WWC2: variants seen among roughly 807,000 people sequenced by gnomAD.
WWC2 encodes the protein WW and C2 domain containing 2.
WWC2 carries 101 observed loss-of-function variants against 138.5 expected under a neutral mutation model. The ratio of observed to expected loss-of-function variants is 0.73; its 90% CI spans 0.62 to 0.86. WWC2 has a LOEUF of 0.86. Ranked by LOEUF, WWC2 falls within the 40% of genes least tolerant of loss-of-function variation. The probability of loss-of-function intolerance (pLI) is 0.00; values close to 1 mark genes in which losing one functional copy is unlikely to be tolerated. For synonymous variants in WWC2, 558 were observed against 538.4 expected, an observed-to-expected ratio of 1.04 and a Z score of -0.50; for missense variants, 1,420 against 1,419.4, an observed-to-expected ratio of 1.00 and a Z score of -0.01.
chr4:183,190,740 C>G (rs920839091), intron 1 of WWC2, among the ~76,000 whole-genome samples: 3 of 152,108 alleles, frequency 2.0e-5, no homozygotes, highest in Non-Finnish European at 2.9e-5. Flanking sequence ...TAATTGTAGT[C>G]TTAGAACAGT....
chr4:183,300,515 A>AC (rs11455567), intron 21 of WWC2, among the ~76,000 whole-genome samples: 40,050 of 151,928 alleles, frequency 0.26, 5,512 homozygotes, highest in South Asian at 0.3. Context: ...ACTGCATTCA[A>AC]AAAATCTTAA....
Position 183,294,926 on chromosome 4 carries a change from C to T in WWC2, c.3384+5291C>T, listed in dbSNP as rs548891616. Among the ~76,000 whole-genome samples, 3 of 152,218 alleles carry T rather than the reference C, an allele frequency of 2.0e-5. No homozygotes were observed. The South Asian group carries it at 6.2e-4, about 32-fold the overall frequency. The stretch of plus-strand genomic sequence containing the variant: ...GTAGATGTAAAGTAGGAGTCTAGAA[C>T]CCAACAACCCAAGGAAATCATCAAG... On this transcript the variant is annotated intron_variant, in intron 21 of 22. Coordinates refer to ENST00000403733, the MANE Select transcript of WWC2 (RefSeq NM_024949.6).
Position 183,167,666 on chromosome 4 carries a change from TAAACAAA to T in WWC2, c.132-25927_132-25921del, listed in dbSNP as rs376673358. 1.4e-3 allele frequency among the ~76,000 whole-genome samples: 207 copies of T among 152,116 alleles called. 1 individual carries two copies. Among genetic ancestry groups the T allele is most frequent in the African/African-American group, 4.8e-3 (201 of 41,490 alleles). ...ACAGTCTAGGTAAAGATAAATGGCA[TAAACAAA>T]AAACATGGGTGATGGAACACTTTGG... On this transcript the variant is annotated intron_variant, in intron 1 of 22. Transcript: ENST00000403733.
intron 1 of WWC2, among the ~76,000 whole-genome samples, chr4:183,112,015 CCTT>C (rs1215116018): frequency 3.3e-5 from 5 of 152,062 alleles, no homozygotes; most frequent in Admixed American, 3.3e-4. Context: ...TTACTTTTTT[CCTT>C]CTTTGTCTCC....
Position 183,319,369 on chromosome 4 carries a change from A to G in WWC2, c.*3640A>G. 1.6e-6 allele frequency: 1 copy of G among 643,332 alleles called. No individual in the cohort carries two copies. Among genetic ancestry groups the G allele is most frequent in the African/African-American group, 1.8e-5 (1 of 55,664 alleles). 39.9% of individuals were successfully genotyped at this position (643,332 alleles called of 1,614,324 possible). ...TGTCATTACTATTCAGTCTTGATTG[A>G]TTTTGGTCTCAGACTAGAAGATAAA... is the stretch of plus-strand genomic sequence containing the variant. On this transcript the variant is annotated 3_prime_UTR_variant, in exon 23 of 23. Transcript: ENST00000403733.
chr4:183,251,789 C>T (rs1736989873), intron 8 of WWC2, among the ~76,000 whole-genome samples: 1 of 152,138 alleles, frequency 6.6e-6, no homozygotes, highest in Non-Finnish European at 1.5e-5. Context: ...AAATCTCAAG[C>T]GCTTATGCAT....
At chr4:183,213,021 A>G (rs1735654336) in intron 4 of WWC2, among the ~76,000 whole-genome samples, 1 of 152,256 alleles carries the variant, frequency 6.6e-6, no homozygotes, top group African/African-American at 2.4e-5. Flanking sequence ...ATACATAACT[A>G]TAATAAAAGA....
At chr4:183,100,161 G>C (rs1303727544) in intron 1 of WWC2, among the ~76,000 whole-genome samples, 1 of 152,252 alleles carries the variant, frequency 6.6e-6, no homozygotes, top group East Asian at 1.9e-4. Context: ...GGCCCTGCTA[G>C]TGGGTGTGAC....
At chr4:183,191,135 C>A (rs895688162) in intron 1 of WWC2, among the ~76,000 whole-genome samples, 1 of 151,866 alleles carries the variant, frequency 6.6e-6, no homozygotes, top group Non-Finnish European at 1.5e-5. Flanking sequence ...GTCAAAGAGA[C>A]CATGTATGTA....
chr4:183,106,655 T>C (rs1743370784), intron 1 of WWC2, among the ~76,000 whole-genome samples: 1 of 152,190 alleles, frequency 6.6e-6, no homozygotes, highest in African/African-American at 2.4e-5. Context: ...ATTCTGGACA[T>C]TTTATATAAA....
chr4:183,130,251 A>G (rs1236163077), intron 1 of WWC2, among the ~76,000 whole-genome samples: 2 of 151,990 alleles, frequency 1.3e-5, no homozygotes, highest in African/African-American at 2.4e-5. Context: ...ACGGGGTTTC[A>G]TCGTGTTAGC....
At chr4:183,145,574 A>C (rs1200114902) in intron 1 of WWC2, among the ~76,000 whole-genome samples, 1 of 152,226 alleles carries the variant, frequency 6.6e-6, no homozygotes, top group Non-Finnish European at 1.5e-5. Flanking sequence ...AGGGCAGAGC[A>C]GTCTTTCCTC....
chr4:183,145,562 A>T (rs1428445070), intron 1 of WWC2, among the ~76,000 whole-genome samples: 1 of 152,214 alleles, frequency 6.6e-6, no homozygotes, highest in African/African-American at 2.4e-5. Flanking sequence ...GCCACATGGG[A>T]GAGGGCAGAG....
intron 5 of WWC2, among the ~76,000 whole-genome samples, chr4:183,243,659 A>G (rs1300018016): frequency 6.6e-6 from 1 of 151,850 alleles, no homozygotes; most frequent in Non-Finnish European, 1.5e-5. Flanking sequence ...ATAAATTTGC[A>G]TTAAGTTTCT....
At chr4:183,185,945 A>AT (rs546555995) in intron 1 of WWC2, among the ~76,000 whole-genome samples, 18,196 of 131,240 alleles carry the variant, frequency 0.14, 1,712 homozygotes, top group East Asian at 0.24. Context: ...TTTAACATAG[A>AT]TTTTTTTTTT....
At chr4:183,153,706 C>T (rs756279012) in intron 1 of WWC2, among the ~76,000 whole-genome samples, 3 of 137,694 alleles carry the variant, frequency 2.2e-5, no homozygotes, top group Non-Finnish European at 4.5e-5. Flanking sequence ...AGTGCAGTGG[C>T]GCAATCACGG....
At chr4:183,302,022 ATTATT>A (rs1184705760) in intron 21 of WWC2, among the ~76,000 whole-genome samples, 1 of 152,246 alleles carries the variant, frequency 6.6e-6, no homozygotes, top group Non-Finnish European at 1.5e-5. Flanking sequence ...ACTGTAACTC[ATTATT>A]TTAATGCATT....
At chr4:183,213,815 C>T (rs990707264) in intron 4 of WWC2, among the ~76,000 whole-genome samples, 10 of 151,700 alleles carry the variant, frequency 6.6e-5, no homozygotes, top group African/African-American at 2.4e-4. Context: ...AGAATATAAA[C>T]GTTTTACTGC....
rs1320933056 is a variant in WWC2 at position 183,265,885 on chromosome 4, G to C, written c.2141G>C (p.Ser714Thr). The C allele has an allele frequency of 1.9e-6, 3 of 1,613,078 alleles. No homozygotes were observed. Among genetic ancestry groups the C allele is most frequent in the South Asian group, 1.1e-5 (1 of 90,762 alleles). ...GACAGATACAATGCAAAAAGTTCAAGTTTCATGGTGATTATAGCACAGCTC... is the reference window on the plus strand; with the variant it reads ...GACAGATACAATGCAAAAAGTTCAACTTTCATGGTGATTATAGCACAGCTC... ...IGLRYNAKSS[S>T]FMVIIAQLRN... Residue 714 changes from serine (S) to threonine (T), a missense_variant, in exon 14 of 23, where the codon AGT (serine) becomes ACT (threonine). Ser to Thr is a moderately conservative substitution (Grantham distance 58). Transcript: ENST00000403733.
Sources: gnomAD v4.1 joint callset for allele counts (sites outside exome capture counted in the v4.1 genomes callset) on GRCh38, gnomAD v4.1.1 for gene constraint, MANE v1.5 for transcripts, NCBI Gene and HGNC (gene_info 2026-07-23, HGNC 2026-07-21) for gene names.